GSG1L: variants seen among roughly 807,000 people sequenced by gnomAD.
GSG1L encodes the protein germ cell-specific gene 1-like protein.
GSG1L carries 24 observed loss-of-function variants against 42.1 expected under a neutral mutation model. That is an observed-to-expected ratio of 0.57 (90% CI 0.41 to 0.80). The LOEUF (loss-of-function observed/expected upper bound fraction) is 0.80, where lower values mean the gene tolerates loss of function less well. Ranked by LOEUF, GSG1L falls within the 30% of genes least tolerant of loss-of-function variation. The probability of loss-of-function intolerance (pLI) is 0.00; values close to 1 mark genes in which losing one functional copy is unlikely to be tolerated. For missense variants in GSG1L, 445 were observed against 472.2 expected (o/e 0.94, Z 0.53); for synonymous variants, 215 against 203.5 (o/e 1.06, Z -0.48).
In GSG1L at chr16:27,813,329, T is replaced by C. The variant is rs111590934; in HGVS notation, c.831-5775A>G. Among the ~76,000 whole-genome samples, 1,205 of 152,224 alleles carry C rather than the reference T, an allele frequency of 7.9e-3. 11 individuals are homozygous for C. Among genetic ancestry groups the C allele is most frequent in the African/African-American group, 0.027 (1,138 of 41,542 alleles). On this transcript the variant is annotated intron_variant, in intron 5 of 6. Transcript: ENST00000447459. ...ATATGTAAGAACACGCAGTATTTGG[T>C]TTTCTGTTCCTGCGTTGGTTTGCTA...
At chr16:27,813,762 G>A (rs754592080) in intron 5 of GSG1L, among the ~76,000 whole-genome samples, 4 of 152,192 alleles carry the variant, frequency 2.6e-5, no homozygotes, top group East Asian at 1.9e-4. Flanking sequence ...CCCCAATGGC[G>A]GGGCTCCCTG....
intron 3 of GSG1L, among the ~76,000 whole-genome samples, chr16:27,845,934 G>A (rs144364026): frequency 3.9e-4 from 58 of 149,834 alleles, no homozygotes; most frequent in Middle Eastern, 3.4e-3. Context: ...AAAGAGTCTC[G>A]CTCTGTCACC....
chr16:27,888,722 A>G (rs985478625), intron 2 of GSG1L, among the ~76,000 whole-genome samples: 3 of 151,370 alleles, frequency 2.0e-5, no homozygotes, highest in African/African-American at 7.3e-5. Flanking sequence ...GGTTCAAGCA[A>G]TTCTCCTGCG....
chr16:27,911,331 C>T (rs549603111), intron 2 of GSG1L, among the ~76,000 whole-genome samples: 1 of 148,924 alleles, frequency 6.7e-6, no homozygotes, highest in Admixed American at 6.7e-5. Flanking sequence ...CACTCTGTCA[C>T]CCAGGCTGGA....
chr16:27,804,048 TAGATAG>T (rs1318236573), intron 6 of GSG1L, among the ~76,000 whole-genome samples: 82 of 46,994 alleles, frequency 1.7e-3, no homozygotes, highest in East Asian at 7.0e-3. Context: ...GATAGATAGA[TAGATAG>T]ATAGATAGAT....
At chr16:27,850,168 A>G (rs2083493643) in intron 3 of GSG1L, among the ~76,000 whole-genome samples, 1 of 150,964 alleles carries the variant, frequency 6.6e-6, no homozygotes. Context: ...AGCTGGGATT[A>G]CAGGTGCCAC....
intron 2 of GSG1L, among the ~76,000 whole-genome samples, chr16:27,902,279 G>A (rs62033475): frequency 6.6e-6 from 1 of 152,134 alleles, no homozygotes; most frequent in Non-Finnish European, 1.5e-5. Context: ...GAGAGGCCGA[G>A]GGAAAAAACT....
At chr16:27,803,766 CATATATAT>C (rs3047681) in intron 6 of GSG1L, among the ~76,000 whole-genome samples, 12,464 of 117,774 alleles carry the variant, frequency 0.11, 684 homozygotes, top group African/African-American at 0.15. Context: ...ACAGTGCAGA[CATATATAT>C]ATATATATAT....
At chr16:27,835,424 G>C (rs1473708085) in intron 4 of GSG1L, among the ~76,000 whole-genome samples, 1 of 152,094 alleles carries the variant, frequency 6.6e-6, no homozygotes, top group Non-Finnish European at 1.5e-5. Context: ...ACAGCACATA[G>C]TTTTGGGTCA....
At chr16:27,945,700 T>C (rs951263790) in intron 2 of GSG1L, among the ~76,000 whole-genome samples, 5 of 152,240 alleles carry the variant, frequency 3.3e-5, no homozygotes, top group African/African-American at 1.2e-4. Context: ...CTGGGAACAG[T>C]TCCTCTGAAA....
chr16:27,921,912 C>A (rs960851473), intron 2 of GSG1L, among the ~76,000 whole-genome samples: 1 of 152,034 alleles, frequency 6.6e-6, no homozygotes, highest in Non-Finnish European at 1.5e-5. Context: ...TAACCTAAGC[C>A]AACCCTCAAA....
chr16:27,954,006 G>A (rs189043000), intron 2 of GSG1L, among the ~76,000 whole-genome samples: 2 of 152,330 alleles, frequency 1.3e-5, no homozygotes. Flanking sequence ...TAATGGTGAA[G>A]ACAGGACAAT....
rs189593472 is a variant in GSG1L at position 28,027,888 on chromosome 16, C to T, written c.349+35188G>A. On this transcript the variant is annotated intron_variant, in intron 1 of 6. Transcript: ENST00000447459. ...TAACAAAAATTGCCAGGCATAGTCC[C>T]AGCTACTTGGGGGGCTAAGGTGGAA... Among the ~76,000 whole-genome samples the T allele has an allele frequency of 4.4e-4, 67 of 152,222 alleles. 1 individual carries two copies. Among genetic ancestry groups the T allele is most frequent in the Admixed American group, 2.8e-3 (43 of 15,288 alleles).
At chr16:27,799,533 C>A (rs2082858787) in intron 6 of GSG1L, among the ~76,000 whole-genome samples, 1 of 152,036 alleles carries the variant, frequency 6.6e-6, no homozygotes, top group African/African-American at 2.4e-5. Context: ...TGACAGAGCA[C>A]AACCTTATCT....
chr16:28,039,256 A>G (rs1044183333), intron 1 of GSG1L, among the ~76,000 whole-genome samples: 1 of 152,078 alleles, frequency 6.6e-6, no homozygotes, highest in Non-Finnish European at 1.5e-5. Flanking sequence ...CATGCTGTGT[A>G]TTTTCCATTC....
At chr16:27,803,840 T>G (rs561676984) in intron 6 of GSG1L, among the ~76,000 whole-genome samples, 10 of 140,802 alleles carry the variant, frequency 7.1e-5, no homozygotes, top group African/African-American at 1.8e-4. Flanking sequence ...TATAGATATA[T>G]AGATAGATAG....
chr16:27,819,566 C>T lies in GSG1L; in HGVS notation c.830+9223G>A, dbSNP rs138950243. Among the ~76,000 whole-genome samples the T allele has an allele frequency of 2.2e-3, 336 of 152,190 alleles. 1 individual carries two copies. The highest frequency in any genetic ancestry group is 7.5e-3 in the African/African-American group (310 of 41,506). The stretch of plus-strand genomic sequence containing the variant: ...ATGCTGCCCAGCTTGGCGGAGGAGA[C>T]GGTGGGGAAGGTGTCAGGCAGCACT... On this transcript the variant is annotated intron_variant, in intron 5 of 6. Coordinates refer to ENST00000447459, the MANE Select transcript of GSG1L (RefSeq NM_001109763.2).
intron 4 of GSG1L, among the ~76,000 whole-genome samples, chr16:27,841,782 G>A (rs773920238): frequency 3.3e-5 from 5 of 152,256 alleles, no homozygotes; most frequent in Admixed American, 6.5e-5. Context: ...GGCCAGCCCC[G>A]AAGGAGGGAG....
At chr16:28,056,530 A>C (rs1265370298) in intron 1 of GSG1L, among the ~76,000 whole-genome samples, 2 of 111,544 alleles carry the variant, frequency 1.8e-5, no homozygotes, top group Admixed American at 9.3e-5. Context: ...ATGACGAGTT[A>C]ATGGGTGCAG....
Sources: allele counts gnomAD v4.1 joint callset (sites outside exome capture counted in the v4.1 genomes callset), GRCh38; gene constraint gnomAD v4.1.1; transcripts MANE v1.5; gene names NCBI Gene and HGNC (gene_info 2026-07-23, HGNC 2026-07-21).